Variants in ASTN2 observed in about 807,000 individuals in gnomAD.
The protein encoded by ASTN2 is astrotactin-2.
In ASTN2, 54 loss-of-function variants were observed where a neutral mutation model predicts 139.8. The observed-to-expected ratio is 0.39, with a 90% CI of 0.31 to 0.48. The LOEUF (loss-of-function observed/expected upper bound fraction) is 0.48, where lower values mean the gene tolerates loss of function less well. Ranked by LOEUF, ASTN2 falls within the 20% of genes least tolerant of loss-of-function variation. ASTN2 has a pLI of 0.95. For missense variants in ASTN2, 1,565 were observed against 1,725.1 expected (o/e 0.91, Z 1.64); for synonymous variants, 756 against 719.5 (o/e 1.05, Z -0.81).
intron 13 of ASTN2, among the ~76,000 whole-genome samples, chr9:116,734,514 G>C (rs1013788105): frequency 6.6e-6 from 1 of 151,538 alleles, no homozygotes; most frequent in Non-Finnish European, 1.5e-5. Context: ...GACTTATGAG[G>C]TCCCTTTATA....
intron 2 of ASTN2, among the ~76,000 whole-genome samples, chr9:117,231,258 T>G (rs1373024742): frequency 6.6e-6 from 1 of 152,242 alleles, no homozygotes; most frequent in Admixed American, 6.5e-5. Flanking sequence ...GAGCCAGGAC[T>G]ATTGCCAAGA....
At chr9:116,958,355 C>A (rs1835778479) in intron 10 of ASTN2, among the ~76,000 whole-genome samples, 1 of 152,202 alleles carries the variant, frequency 6.6e-6, no homozygotes, top group African/African-American at 2.4e-5. Context: ...CTTTGAGAGG[C>A]CGAGGTGGGC....
At chr9:116,704,804 C>T (rs1460047248) in intron 16 of ASTN2, among the ~76,000 whole-genome samples, 1 of 148,190 alleles carries the variant, frequency 6.7e-6, no homozygotes, top group Non-Finnish European at 1.5e-5. Context: ...AAAGTCTAAT[C>T]ATTTGATTAA....
At chr9:117,130,119 C>A (rs1193048426) in intron 4 of ASTN2, among the ~76,000 whole-genome samples, 1 of 152,084 alleles carries the variant, frequency 6.6e-6, no homozygotes, top group Non-Finnish European at 1.5e-5. Flanking sequence ...CTAGCCTGGG[C>A]AGCATGGTGA....
intron 19 of ASTN2, among the ~76,000 whole-genome samples, chr9:116,564,694 C>T (rs1474254285): frequency 6.6e-6 from 1 of 152,160 alleles, no homozygotes; most frequent in East Asian, 1.9e-4. Flanking sequence ...CGAGAGTTTT[C>T]TTCCTCCCTC....
chr9:116,729,135 T>C (rs373994396), intron 14 of ASTN2, 39 bp from the exon 15 acceptor site: 641 of 1,468,226 alleles, frequency 4.4e-4, no homozygotes, highest in Non-Finnish European at 5.6e-4. Context: ...AGCCCAGAAT[T>C]AAGACGCTTC....
chr9:116,873,362 T>A (rs567872798), intron 10 of ASTN2, among the ~76,000 whole-genome samples: 5 of 152,294 alleles, frequency 3.3e-5, no homozygotes, highest in Middle Eastern at 3.4e-3. Flanking sequence ...AGATTTGAGC[T>A]TTTCCAAAGC....
At chr9:116,929,063 C>T (rs975661612) in intron 10 of ASTN2, among the ~76,000 whole-genome samples, 3 of 152,126 alleles carry the variant, frequency 2.0e-5, no homozygotes, top group Admixed American at 1.3e-4. Context: ...AGCATATTAT[C>T]CCCATTTACA....
At chr9:116,429,968 A>T (rs1050163830) in intron 22 of ASTN2, among the ~76,000 whole-genome samples, 2 of 152,168 alleles carry the variant, frequency 1.3e-5, no homozygotes, top group Non-Finnish European at 2.9e-5. Flanking sequence ...CCCAAGTCAG[A>T]CCGGAGAGAA....
At chr9:117,166,071 A>G (rs537678052) in intron 3 of ASTN2, among the ~76,000 whole-genome samples, 59 of 152,250 alleles carry the variant, frequency 3.9e-4, no homozygotes, top group African/African-American at 1.4e-3. Context: ...TATATAAGAC[A>G]GGTCTTAACT....
intron 13 of ASTN2, among the ~76,000 whole-genome samples, chr9:116,799,601 C>CAATAATT (rs1307226185): frequency 1.3e-5 from 2 of 150,304 alleles, no homozygotes; most frequent in Non-Finnish European, 3.0e-5. Context: ...ACACCAGGTT[C>CAATAATT]AATAATAGCT....
chr9:117,198,377 G>A (rs1181833555), intron 3 of ASTN2, among the ~76,000 whole-genome samples: 1 of 151,972 alleles, frequency 6.6e-6, no homozygotes, highest in Admixed American at 6.6e-5. Context: ...TTTTATGGCT[G>A]CATAGTATTC....
intron 1 of ASTN2, among the ~76,000 whole-genome samples, chr9:117,363,609 A>AT: frequency 6.6e-6 from 1 of 152,146 alleles, no homozygotes; most frequent in East Asian, 1.9e-4. Flanking sequence ...TAGAGAGGAC[A>AT]TTTTTGGTTA....
intron 13 of ASTN2, among the ~76,000 whole-genome samples, chr9:116,802,245 C>T (rs1830883331): frequency 1.3e-5 from 2 of 152,040 alleles, no homozygotes; most frequent in South Asian, 4.2e-4. Context: ...CGCCACCACG[C>T]CCGGCTAATT....
At chr9:116,581,156 T>C (rs1325447928) in intron 19 of ASTN2, among the ~76,000 whole-genome samples, 1 of 152,272 alleles carries the variant, frequency 6.6e-6, no homozygotes, top group East Asian at 1.9e-4. Context: ...ATTTGGGGTC[T>C]AGGAAGCCAG....
chr9:116,759,731 C>G (rs891300378), intron 13 of ASTN2, among the ~76,000 whole-genome samples: 1 of 152,006 alleles, frequency 6.6e-6, no homozygotes, highest in Admixed American at 6.6e-5. Flanking sequence ...CACTTATAAC[C>G]ACTGGAAATA....
chr9:116,964,386 T>G (rs940988036), intron 10 of ASTN2, among the ~76,000 whole-genome samples: 3 of 152,158 alleles, frequency 2.0e-5, no homozygotes, highest in Non-Finnish European at 4.4e-5. Context: ...ATTTCTCATC[T>G]TAGCTTATCT....
intron 10 of ASTN2, among the ~76,000 whole-genome samples, chr9:116,937,553 T>C (rs1224383516): frequency 6.6e-6 from 1 of 152,216 alleles, no homozygotes; most frequent in African/African-American, 2.4e-5. Flanking sequence ...GCCCAGAGTC[T>C]GACACATAAT....
At chr9:117,212,679 G>A (rs944151199) in intron 3 of ASTN2, among the ~76,000 whole-genome samples, 4 of 152,030 alleles carry the variant, frequency 2.6e-5, no homozygotes, top group Non-Finnish European at 4.4e-5. Context: ...ACAAATATAC[G>A]AAAACATGCT....
Sources: gnomAD v4.1 joint callset for allele counts (sites outside exome capture counted in the v4.1 genomes callset) on GRCh38, gnomAD v4.1.1 for gene constraint, MANE v1.5 for transcripts, NCBI Gene and HGNC (gene_info 2026-07-23, HGNC 2026-07-21) for gene names.